Variants in SP140 observed in about 807,000 individuals in gnomAD.
SP140 encodes the protein nuclear body protein SP140.
SP140 carries 81 observed loss-of-function variants against 125.0 expected under a neutral mutation model. That is an observed-to-expected ratio of 0.65 (90% CI 0.54 to 0.78). SP140 has a LOEUF of 0.78. Among genes scored for constraint, SP140 ranks in the 30% least tolerant of loss-of-function variants. The pLI, the probability that SP140 is intolerant of heterozygous loss-of-function variation, is 0.00. For synonymous variants in SP140, 312 were observed against 354.0 expected (o/e 0.88, Z 1.33); for missense variants, 858 against 1,037.0 (o/e 0.83, Z 2.37).
At chr2:230,243,114 G>A (rs12477362) in intron 4 of SP140, among the ~76,000 whole-genome samples, 80,547 of 151,946 alleles carry the variant, frequency 0.53, 21,893 homozygotes, top group African/African-American at 0.64. Context: ...ACTTCAAGGT[G>A]GAATAAAATT....
intron 11 of SP140, among the ~76,000 whole-genome samples, chr2:230,253,829 C>T (rs1313177056): frequency 1.3e-5 from 2 of 152,172 alleles, no homozygotes; most frequent in Non-Finnish European, 2.9e-5. Context: ...TGATTGAATG[C>T]TTGCAATTGA....
At chr2:230,193,553 G>A in the SP140 span, among the ~76,000 whole-genome samples, 2 of 152,182 alleles carry the variant, frequency 1.3e-5, no homozygotes, top group Admixed American at 1.3e-4. Context: ...TGGTCTGGTA[G>A]TGACAAATTC....
At position 230,272,834 on chromosome 2, in the gene SP140, G is replaced by A. The variant is rs186425866; in HGVS notation, c.1498+2195G>A. On this transcript the variant is annotated intron_variant, in intron 15 of 26. Coordinates refer to ENST00000392045, the MANE Select transcript of SP140 (RefSeq NM_007237.5). ...TCTTTGACAAACCTGACAAAAACAAGCAATGGGAAAAGGATTCCTTATTCA... is the reference window on the plus strand; with the variant it reads ...TCTTTGACAAACCTGACAAAAACAAACAATGGGAAAAGGATTCCTTATTCA... Among the ~76,000 whole-genome samples, 19 of 152,168 alleles carry A rather than the reference G, an allele frequency of 1.2e-4. No individual in the cohort carries two copies. The East Asian group carries it at 3.7e-3, about 29-fold the overall frequency.
Position 230,211,695 on chromosome 2 carries a change from G to A in SP140, c.-322-1959G>A, listed in dbSNP as rs1016577444. 4.4e-6 allele frequency: 3 copies of A among 677,038 alleles called. No individual in the cohort carries two copies. Among genetic ancestry groups the A allele is most frequent in the African/African-American group, 3.6e-5 (2 of 56,060 alleles). 41.9% of individuals were successfully genotyped at this position (677,038 alleles called of 1,614,324 possible). A position where few individuals can be genotyped will look rare whatever the true frequency, so the allele number is the denominator to read the frequency against. On this transcript the variant is annotated intron_variant, in intron 1 of 4. Transcript: ENST00000456542. The surrounding 1 kb of genome is among the most constrained non-coding windows in gnomAD (Gnocchi z 4.2). ...GCCTGGGAAAGGATGGCATAGAGTGGGAAAGTAAGCAACCATTCACTCTCA... is the reference window on the plus strand; with the variant it reads ...GCCTGGGAAAGGATGGCATAGAGTGAGAAAGTAAGCAACCATTCACTCTCA...
At chr2:230,316,464 G>C (rs1435443617), downstream of SP140, among the ~76,000 whole-genome samples, 2 of 152,182 alleles carry the variant, frequency 1.3e-5, no homozygotes, top group Non-Finnish European at 2.9e-5. Flanking sequence ...ACAGGGAGTA[G>C]GGAGGCAGTG....
chr2:230,194,065 G>A, the SP140 span, among the ~76,000 whole-genome samples: 7 of 152,070 alleles, frequency 4.6e-5, no homozygotes, highest in African/African-American at 1.7e-4. Context: ...GGCCAGGGAG[G>A]GGAAGTGCAA....
At chr2:230,246,807 A>G (rs1181172329) in intron 7 of SP140, among the ~76,000 whole-genome samples, 1 of 152,200 alleles carries the variant, frequency 6.6e-6, no homozygotes, top group Admixed American at 6.5e-5. Context: ...TGGAGAAAAT[A>G]CTGTGAGAGG....
At chr2:230,224,937 T>C (rs2046150743), upstream of SP140, among the ~76,000 whole-genome samples, 1 of 152,242 alleles carries the variant, frequency 6.6e-6, no homozygotes, top group African/African-American at 2.4e-5. Context: ...GACTTTATGC[T>C]GATATAGTGT....
intron 3 of SP140, among the ~76,000 whole-genome samples, chr2:230,215,935 T>C (rs2045117048): frequency 6.6e-6 from 1 of 152,224 alleles, no homozygotes. Flanking sequence ...AGGAGTGCTC[T>C]CTGGGCTGTG....
chr2:230,271,706 G>A (rs189287265), intron 15 of SP140, among the ~76,000 whole-genome samples: 182 of 152,150 alleles, frequency 1.2e-3, no homozygotes, highest in African/African-American at 4.3e-3. Flanking sequence ...ATTGAAGGAA[G>A]AGCTGCTAAA....
At chr2:230,279,288 A>G (rs1163385046) in intron 15 of SP140, among the ~76,000 whole-genome samples, 2 of 152,162 alleles carry the variant, frequency 1.3e-5, no homozygotes, top group Non-Finnish European at 2.9e-5. Flanking sequence ...TTTAAATGAC[A>G]TTTTTCACAG....
rs1219712894 is a variant in SP140 at position 230,312,812 on chromosome 2, C to T, written c.*128C>T. 3.0e-6 allele frequency: 2 copies of T among 663,336 alleles called. No homozygotes were observed. Among genetic ancestry groups the T allele is most frequent in the Non-Finnish European group, 2.7e-6 (1 of 370,730 alleles). The allele number at this position is 663,336 out of a possible 1,614,324, so 41.1% of individuals were successfully genotyped here. A position where few individuals can be genotyped will look rare whatever the true frequency, so the allele number is the denominator to read the frequency against. On this transcript the variant is annotated 3_prime_UTR_variant, in exon 27 of 27. Transcript: ENST00000392045. ...AGGGAGGGGCTTTTCTCTGAGCCTC[C>T]TTCATCTGCCCAAAGACAAATCCTC...
chr2:230,315,339 A>C (rs2059477520), downstream of SP140, among the ~76,000 whole-genome samples: 1 of 152,214 alleles, frequency 6.6e-6, no homozygotes, highest in Non-Finnish European at 1.5e-5. Flanking sequence ...AGTAACTCAC[A>C]TGCCGGGGAA....
In SP140 at chr2:230,245,912, G is replaced by A. The variant is rs949760079; in HGVS notation, c.714G>A (p.Met238Ile). The change falls in exon 7 of 27, where the codon ATG becomes ATA. Residue 238 changes from methionine (M) to isoleucine (I), a missense_variant. Met to Ile is a conservative substitution (Grantham distance 10). Transcript: ENST00000392045. Reference protein sequence around the residue: ...IQIDEGESEEMPKLLPYDTEV... With the variant: ...IQIDEGESEEIPKLLPYDTEV... ...TAGATGAAGGAGAATCAGAAGAAATGCCCAAGTTACTGCCTTATGATACAG... is the reference window on the plus strand; with the variant it reads ...TAGATGAAGGAGAATCAGAAGAAATACCCAAGTTACTGCCTTATGATACAG... 6.2e-7 allele frequency: 1 copy of A among 1,605,382 alleles called. No homozygotes were observed. Among genetic ancestry groups the A allele is most frequent in the Non-Finnish European group, 8.5e-7 (1 of 1,172,154 alleles).
chr2:230,243,659 A>T, intron 4 of SP140, 72 bp from the exon 5 acceptor site: 1 of 1,234,386 alleles, frequency 8.1e-7, no homozygotes, highest in Non-Finnish European at 1.2e-6. Flanking sequence ...TTTTCTCATT[A>T]TTTGTTTTCT....
At chr2:230,292,986 G>A (rs1016342674) in intron 20 of SP140, among the ~76,000 whole-genome samples, 198 bp downstream of exon 20, 8 of 152,188 alleles carry the variant, frequency 5.3e-5, no homozygotes, top group African/African-American at 1.2e-4. Context: ...CAGGGGCTCC[G>A]TCAGGATAGA....
intron 1 of SP140, chr2:230,212,323 G>A (rs200066573): frequency 1.6e-4 from 243 of 1,555,304 alleles, no homozygotes; most frequent in Non-Finnish European, 1.9e-4. Flanking sequence ...TGAGCTAAGC[G>A]GTATCAGCCC....
intron 1 of SP140, among the ~76,000 whole-genome samples, chr2:230,230,070 T>A (rs2047027968): frequency 2.0e-5 from 3 of 152,092 alleles, no homozygotes; most frequent in Non-Finnish European, 1.5e-5. Context: ...ACATTGAGAA[T>A]AGTAGGAGTT....
chr2:230,311,663 A>C, intron 26 of SP140, 68 bp downstream of exon 26: 1 of 1,593,092 alleles, frequency 6.3e-7, no homozygotes, highest in Non-Finnish European at 8.6e-7. Context: ...GTGCCAAGAA[A>C]AATTTAGTTT....
Sources: gnomAD v4.1 joint callset for allele counts (sites outside exome capture counted in the v4.1 genomes callset) on GRCh38, gnomAD v4.1.1 for gene constraint, Gnocchi (gnomAD v3.1) non-coding constraint, MANE v1.5 for transcripts, NCBI Gene and HGNC (gene_info 2026-07-23, HGNC 2026-07-21) for gene names.